Variants in ADGRL3 observed in about 807,000 individuals in gnomAD.
ADGRL3 encodes adhesion G protein-coupled receptor L3.
ADGRL3 carries 62 observed loss-of-function variants against 153.5 expected under a neutral mutation model. That is an observed-to-expected ratio of 0.40 (90% CI 0.33 to 0.50). The LOEUF (loss-of-function observed/expected upper bound fraction) is 0.50. ADGRL3 is among the 20% of genes least tolerant of loss of function. The pLI is 0.47. For missense variants in ADGRL3, 1,641 were observed against 1,859.4 expected (o/e 0.88, Z 2.16); for synonymous variants, 710 against 672.5 (o/e 1.06, Z -0.86).
At chr4:61,607,841 G>A (rs2099038595) in intron 5 of ADGRL3, among the ~76,000 whole-genome samples, 1 of 152,156 alleles carries the variant, frequency 6.6e-6, no homozygotes, top group African/African-American at 2.4e-5. Flanking sequence ...GGGAGGCAGT[G>A]TTATCATCCT....
At chr4:61,510,772 A>G (rs1378869112) in intron 3 of ADGRL3, among the ~76,000 whole-genome samples, 2 of 152,136 alleles carry the variant, frequency 1.3e-5, no homozygotes, top group African/African-American at 4.8e-5. Context: ...GAATTTTACA[A>G]TAGTTTTTTT....
intron 22 of ADGRL3, among the ~76,000 whole-genome samples, chr4:62,031,023 C>G (rs1453560022): frequency 6.6e-6 from 1 of 151,264 alleles, no homozygotes; most frequent in Admixed American, 6.6e-5. Flanking sequence ...TTTGAAAAAG[C>G]GAGGTAAAAA....
At chr4:61,260,408 T>A (rs1305024658) in intron 1 of ADGRL3, among the ~76,000 whole-genome samples, 3 of 152,210 alleles carry the variant, frequency 2.0e-5, no homozygotes, top group African/African-American at 7.2e-5. Context: ...AGAGTCTGTA[T>A]AGTGTAGTGC....
At chr4:61,360,533 G>T (rs1174360507) in intron 1 of ADGRL3, among the ~76,000 whole-genome samples, 1 of 152,016 alleles carries the variant, frequency 6.6e-6, no homozygotes, top group Non-Finnish European at 1.5e-5. Context: ...GTAAACATGA[G>T]GATATGTTAT....
Position 61,909,719 on chromosome 4 carries a change from G to A in ADGRL3, c.2047G>A (p.Asp683Asn). 6.4e-7 allele frequency: 1 copy of A among 1,567,950 alleles called. No homozygotes were observed. The highest frequency in any genetic ancestry group is 8.6e-7 in the Non-Finnish European group (1 of 1,156,242). The change falls in exon 12 of 27, where the codon GAT becomes AAT. Residue 683 changes from aspartate (D) to asparagine (N), a missense_variant. Asp to Asn is a conservative substitution (Grantham distance 23, BLOSUM62 1). Transcript: ENST00000683033. Reference protein sequence around the residue: ...QLRNLTPGGKDSAARSLNKLQ... With the variant: ...QLRNLTPGGKNSAARSLNKLQ... ...TCGGAACTTGACCCCAGGTGGAAAA[G>A]ATAGTGCTGCCCGGAGTTTGAACAA... is the stretch of plus-strand genomic sequence containing the variant.
intron 17 of ADGRL3, among the ~76,000 whole-genome samples, chr4:61,974,160 G>A (rs575171093): frequency 1.3e-5 from 2 of 152,186 alleles, no homozygotes; most frequent in African/African-American, 2.4e-5. Flanking sequence ...TAGAGATGGA[G>A]TTTCAGCATG....
At chr4:61,745,119 T>C (rs62306766) in intron 8 of ADGRL3, among the ~76,000 whole-genome samples, 21,215 of 152,020 alleles carry the variant, frequency 0.14, 1,883 homozygotes, top group Admixed American at 0.19. Context: ...GTATCAGTGA[T>C]GGAAGATGAA....
intron 12 of ADGRL3, among the ~76,000 whole-genome samples, chr4:61,911,182 A>G (rs201064049): frequency 1.7e-4 from 26 of 152,244 alleles, no homozygotes; most frequent in South Asian, 4.1e-4. Context: ...AGTCATTTCT[A>G]TTAATGTTAC....
chr4:61,979,670 G>C lies in ADGRL3; in HGVS notation c.2913G>C (p.Arg971=), dbSNP rs1397547. 1,486,877 of 1,613,618 alleles carry C rather than the reference G, an allele frequency of 0.92. 688,366 individuals are homozygous for C. Among genetic ancestry groups the C allele is most frequent in the Non-Finnish European group, 0.95 (1,119,498 of 1,179,878 alleles). Residue 971 remains arginine, a synonymous_variant, in exon 18 of 27, where the codon CGG becomes CGC. Transcript: ENST00000683033. ...LICIFTFCFF[R]GLQSDRNTIH... The stretch of plus-strand genomic sequence containing the variant: ...GCATCTTCACATTTTGCTTTTTCCG[G>C]GGGCTCCAGAGTGACCGTAACACCA...
intron 4 of ADGRL3, among the ~76,000 whole-genome samples, chr4:61,543,345 T>G (rs2098699564): frequency 6.6e-6 from 1 of 151,254 alleles, no homozygotes; most frequent in Non-Finnish European, 1.5e-5. Flanking sequence ...AAGGGGAGAG[T>G]GAGAAGAAGA....
chr4:61,531,563 T>A (rs1306944368), intron 4 of ADGRL3, among the ~76,000 whole-genome samples: 3 of 152,168 alleles, frequency 2.0e-5, no homozygotes, highest in Non-Finnish European at 2.9e-5. Context: ...CGCAAGCATT[T>A]ACTATGCACC....
intron 3 of ADGRL3, among the ~76,000 whole-genome samples, chr4:61,498,279 CAT>C (rs777083219): frequency 1.3e-5 from 2 of 152,018 alleles, no homozygotes; most frequent in Non-Finnish European, 2.9e-5. Flanking sequence ...GGCTGGGCAC[CAT>C]GGTTCACACC....
At chr4:61,418,095 C>A (rs2097164117) in intron 2 of ADGRL3, among the ~76,000 whole-genome samples, 1 of 152,086 alleles carries the variant, frequency 6.6e-6, no homozygotes, top group Admixed American at 6.6e-5. Flanking sequence ...AGAGTGCCTG[C>A]CAGTTTCGGT....
chr4:62,017,308 A>G (rs1286081665), intron 21 of ADGRL3, among the ~76,000 whole-genome samples: 5 of 143,054 alleles, frequency 3.5e-5, no homozygotes, highest in Non-Finnish European at 7.8e-5. Context: ...AATATTTGCT[A>G]TGAATTTTTT....
chr4:62,054,563 C>T (rs28570678), intron 25 of ADGRL3, among the ~76,000 whole-genome samples: 4,000 of 151,512 alleles, frequency 0.026, 182 homozygotes, highest in African/African-American at 0.093. Context: ...CTTAAAACTT[C>T]AAAAATTATA....
At chr4:61,821,320 T>C (rs2097754332) in intron 9 of ADGRL3, among the ~76,000 whole-genome samples, 1 of 150,060 alleles carries the variant, frequency 6.7e-6, no homozygotes, top group South Asian at 2.1e-4. Flanking sequence ...TCCAATATAG[T>C]GAACTACTTT....
chr4:61,968,636 T>C (rs562913608), intron 17 of ADGRL3, among the ~76,000 whole-genome samples: 1 of 152,304 alleles, frequency 6.6e-6, no homozygotes, highest in African/African-American at 2.4e-5. Context: ...GCCCATTAAG[T>C]GCTTCTGCAC....
intron 5 of ADGRL3, among the ~76,000 whole-genome samples, chr4:61,623,004 TAATGTTCTAG>T (rs956333134): frequency 2.6e-5 from 4 of 152,132 alleles, no homozygotes; most frequent in African/African-American, 9.7e-5. Flanking sequence ...TTCAAAAAAT[TAATGTTCTAG>T]AGGTCACATT....
At chr4:61,326,851 A>G (rs2095475929) in intron 1 of ADGRL3, among the ~76,000 whole-genome samples, 1 of 151,976 alleles carries the variant, frequency 6.6e-6, no homozygotes, top group South Asian at 2.1e-4. Context: ...TGCTGTGCTA[A>G]AAATGTACCC....
Sources: gnomAD v4.1 joint callset for allele counts (sites outside exome capture counted in the v4.1 genomes callset) on GRCh38, gnomAD v4.1.1 for gene constraint, MANE v1.5 for transcripts, NCBI Gene and HGNC (gene_info 2026-07-23, HGNC 2026-07-21) for gene names.